The following ACOT1 variants were observed in gnomAD, a reference collection of about 807,000 sequenced individuals.
The protein encoded by ACOT1 is acyl-coenzyme A thioesterase 1.
Under a neutral mutation model 15.7 loss-of-function variants are expected in ACOT1, and 8 were observed. The observed-to-expected ratio is 0.51, with a 90% CI of 0.30 to 0.92. ACOT1 has a LOEUF of 0.92. Among genes scored for constraint, ACOT1 ranks in the 40% least tolerant of loss-of-function variants. The pLI is 0.06. For missense variants in ACOT1, 151 were observed against 539.4 expected, an observed-to-expected ratio of 0.28 and a Z score of 7.13; for synonymous variants, 67 against 241.2, an observed-to-expected ratio of 0.28 and a Z score of 6.69.
At chr14:73,524,310 A>AAAAAAAATAT in the ACOT1 span, among the ~76,000 whole-genome samples, 7 of 54,778 alleles carry the variant, frequency 1.3e-4, 1 homozygote, top group Admixed American at 5.6e-4. Flanking sequence ...AAAAAAAAAA[A>AAAAAAAATAT]ATATATATAT....
the ACOT1 span, among the ~76,000 whole-genome samples, chr14:73,494,034 A>C: frequency 6.6e-6 from 1 of 152,182 alleles, no homozygotes; most frequent in Non-Finnish European, 1.5e-5. Flanking sequence ...TGCTGTCATA[A>C]GGGCAGCATG....
chr14:73,522,826 C>T, the ACOT1 span: 17 of 1,614,052 alleles, frequency 1.1e-5, no homozygotes, highest in Admixed American at 2.8e-4. Flanking sequence ...GCCGGGCCTT[C>T]CTGATCTGGG....
At chr14:73,542,067 G>T (rs1889104775) in intron 2 of ACOT1, among the ~76,000 whole-genome samples, 1 of 112,846 alleles carries the variant, frequency 8.9e-6, no homozygotes, top group African/African-American at 3.0e-5. Flanking sequence ...TATTTGTCAG[G>T]CTGGTCTTGA....
the ACOT1 span, chr14:73,509,217 G>A: frequency 8.3e-7 from 1 of 1,205,642 alleles, no homozygotes; most frequent in Non-Finnish European, 1.2e-6. Context: ...AGCAGACATT[G>A]CAGAGCATCA....
At chr14:73,532,764 C>G (rs189008581), upstream of ACOT1, among the ~76,000 whole-genome samples, 175 of 113,834 alleles carry the variant, frequency 1.5e-3, 36 homozygotes, top group South Asian at 3.1e-3. Context: ...ACCATCCTAG[C>G]TAACACAGTA....
At chr14:73,503,759 A>G in the ACOT1 span, among the ~76,000 whole-genome samples, 1 of 152,326 alleles carries the variant, frequency 6.6e-6, no homozygotes, top group African/African-American at 2.4e-5. Flanking sequence ...ACATTTACTA[A>G]CGGAAGACTT....
the ACOT1 span, chr14:73,498,049 T>A: frequency 1.9e-6 from 2 of 1,056,708 alleles, no homozygotes; most frequent in Non-Finnish European, 1.4e-6. Context: ...AACCAGTGCT[T>A]TTACTGCCAT....
the ACOT1 span, among the ~76,000 whole-genome samples, chr14:73,504,753 A>G: frequency 1.3e-5 from 2 of 152,188 alleles, no homozygotes. Flanking sequence ...GGGAATGGCA[A>G]TGTTCTGGGC....
chr14:73,490,947 C>T, the ACOT1 span: 45 of 1,282,612 alleles, frequency 3.5e-5, no homozygotes, highest in Non-Finnish European at 4.4e-5. Context: ...TGCACCGCAG[C>T]CGCTGCATTC....
the ACOT1 span, among the ~76,000 whole-genome samples, chr14:73,531,817 C>A: frequency 5.5e-4 from 61 of 111,092 alleles, 17 homozygotes; most frequent in South Asian, 7.7e-3. Context: ...GTCAGGAGTT[C>A]GAGACCAGCC....
chr14:73,513,044 G>A, the ACOT1 span, among the ~76,000 whole-genome samples: 4 of 152,184 alleles, frequency 2.6e-5, no homozygotes, highest in African/African-American at 4.8e-5. Context: ...CCAACTCTAC[G>A]AATGAATTTT....
At chr14:73,491,116 C>T in the ACOT1 span, 2 of 1,607,068 alleles carry the variant, frequency 1.2e-6, no homozygotes, top group South Asian at 1.1e-5. Context: ...TGGCCCTGCC[C>T]TTGAGGTCCA....
the ACOT1 span, among the ~76,000 whole-genome samples, chr14:73,501,204 C>T: frequency 1.3e-5 from 2 of 151,672 alleles, no homozygotes; most frequent in Non-Finnish European, 2.9e-5. Flanking sequence ...CTGCAAGCGC[C>T]GCCTCCTGGG....
intron 1 of ACOT1, among the ~76,000 whole-genome samples, chr14:73,538,822 GC>G (rs1196369887): frequency 8.9e-6 from 1 of 111,944 alleles, no homozygotes; most frequent in Non-Finnish European, 1.9e-5. Context: ...ACAAAAATTA[GC>G]CAGGTGAGGT....
At chr14:73,506,490 G>A in the ACOT1 span, 69 of 1,613,390 alleles carry the variant, frequency 4.3e-5, no homozygotes, top group African/African-American at 2.3e-4. Flanking sequence ...CCACTGATCC[G>A]GGAGAAAGCC....
the ACOT1 span, chr14:73,509,193 T>C: frequency 5.9e-6 from 6 of 1,019,110 alleles, no homozygotes; most frequent in East Asian, 1.2e-4. Context: ...CTAACATAAA[T>C]CTAAACCCAA....
Position 73,537,718 on chromosome 14 carries a change from A to G in ACOT1, c.297A>G (p.Arg99=), listed in dbSNP as rs752489807. The change falls in exon 1 of 3, where the codon CGA becomes CGG. Residue 99 remains arginine (R), a synonymous_variant. Transcript: ENST00000311148. ...TGCGGCTGGTGAAGCGCGACGTGCG[A>G]ACGCCCTTGGCCGTGGAGCTGGAGG... The part of the protein sequence containing the change: ...PLVRLVKRDV[R]TPLAVELEVL... 8.8e-6 allele frequency: 11 copies of G among 1,245,398 alleles called. No homozygotes were observed. Among genetic ancestry groups the G allele is most frequent in the Non-Finnish European group, 9.6e-6 (9 of 939,498 alleles). 77.1% of individuals were successfully genotyped at this position (1,245,398 alleles called of 1,614,324 possible). A position where few individuals can be genotyped will look rare whatever the true frequency, so the allele number is the denominator to read the frequency against.
chr14:73,526,347 T>C, the ACOT1 span, among the ~76,000 whole-genome samples: 2 of 152,104 alleles, frequency 1.3e-5, no homozygotes, highest in African/African-American at 2.4e-5. Context: ...CCTGAATACA[T>C]ATGAGTGACA....
At chr14:73,491,187 C>G in the ACOT1 span, 2 of 1,597,688 alleles carry the variant, frequency 1.3e-6, no homozygotes, top group Non-Finnish European at 1.7e-6. Context: ...AGGACGCAGA[C>G]GCTGCCTAGC....
Sources: allele counts gnomAD v4.1 joint callset (sites outside exome capture counted in the v4.1 genomes callset), GRCh38; gene constraint gnomAD v4.1.1; transcripts MANE v1.5; gene names NCBI Gene and HGNC (gene_info 2026-07-23, HGNC 2026-07-21).